The following EFCAB6 variants were observed in gnomAD, a reference collection of about 807,000 sequenced individuals.
The protein encoded by EFCAB6 is EF-hand calcium binding domain 6, also known as EF-hand calcium-binding domain-containing protein 6.
In EFCAB6, 156 loss-of-function variants were observed where a neutral mutation model predicts 169.8. The observed-to-expected ratio is 0.92, with a 90% CI of 0.81 to 1.05. The LOEUF is 1.05. Ranked by LOEUF, EFCAB6 falls within the 50% of genes least tolerant of loss-of-function variation. EFCAB6 has a pLI of 0.00. For missense variants in EFCAB6, 1,800 were observed against 1,829.1 expected, an observed-to-expected ratio of 0.98 and a Z score of 0.29; for synonymous variants, 698 against 676.4, an observed-to-expected ratio of 1.03 and a Z score of -0.50.
chr22:43,680,797 T>C (rs973693308), intron 12 of EFCAB6, among the ~76,000 whole-genome samples: 4 of 152,244 alleles, frequency 2.6e-5, no homozygotes, highest in Non-Finnish European at 5.9e-5. Context: ...ATGTTAATCT[T>C]ATATTTCTGC....
At chr22:43,687,609 ATTACT>A (rs1049123903) in intron 10 of EFCAB6, 28 bp from the exon 11 acceptor site, 3 of 1,411,492 alleles carry the variant, frequency 2.1e-6, no homozygotes, top group African/African-American at 2.9e-5. Flanking sequence ...AACAAAAAAC[ATTACT>A]TTAAACATTT....
At chr22:43,548,036 C>T (rs2048163773) in intron 27 of EFCAB6, among the ~76,000 whole-genome samples, 1 of 151,372 alleles carries the variant, frequency 6.6e-6, no homozygotes, top group Non-Finnish European at 1.5e-5. Context: ...GCGGAACTTT[C>T]AGTGAGCCAA....
At chr22:43,738,879 T>G (rs985175239) in intron 6 of EFCAB6, among the ~76,000 whole-genome samples, 4 of 152,210 alleles carry the variant, frequency 2.6e-5, no homozygotes, top group African/African-American at 9.7e-5. Context: ...AGGTGCCTCC[T>G]GTCCTGTTGT....
intron 21 of EFCAB6, among the ~76,000 whole-genome samples, chr22:43,613,129 T>G (rs1411146166): frequency 2.7e-5 from 4 of 147,976 alleles, no homozygotes; most frequent in African/African-American, 9.8e-5. Flanking sequence ...TATATTTATA[T>G]AACATAAATA....
intron 26 of EFCAB6, among the ~76,000 whole-genome samples, chr22:43,555,792 T>C (rs909849359): frequency 3.9e-5 from 6 of 152,194 alleles, no homozygotes; most frequent in Non-Finnish European, 8.8e-5. Flanking sequence ...ACACTGTCCT[T>C]GGTGCTAAGG....
chr22:43,635,379 T>C (rs1284233042), intron 17 of EFCAB6, among the ~76,000 whole-genome samples, 163 bp from the exon 18 acceptor site: 2 of 152,064 alleles, frequency 1.3e-5, no homozygotes, highest in Non-Finnish European at 2.9e-5. Flanking sequence ...GTCTCCTGTG[T>C]CCCTGGGCCT....
chr22:43,800,521 G>A (rs546200262), intron 2 of EFCAB6, among the ~76,000 whole-genome samples: 1 of 152,304 alleles, frequency 6.6e-6, no homozygotes, highest in Admixed American at 6.5e-5. Flanking sequence ...TGATATTTGA[G>A]CTGTCTATCC....
intron 8 of EFCAB6, among the ~76,000 whole-genome samples, chr22:43,721,670 T>C (rs1487592637): frequency 1.3e-5 from 2 of 152,116 alleles, no homozygotes; most frequent in Non-Finnish European, 1.5e-5. Flanking sequence ...ATAAATAGTA[T>C]TGGGATAACA....
At chr22:43,635,012 C>T (rs1317641360) in intron 18 of EFCAB6, 90 bp downstream of exon 18, 3 of 996,850 alleles carry the variant, frequency 3.0e-6, no homozygotes, top group Non-Finnish European at 4.8e-6. Flanking sequence ...TGTGCTACTT[C>T]AACCCGAGTG....
intron 9 of EFCAB6, among the ~76,000 whole-genome samples, chr22:43,712,297 A>G (rs2059188608): frequency 6.6e-6 from 1 of 151,034 alleles, no homozygotes; most frequent in African/African-American, 2.4e-5. Context: ...TAATAACAAT[A>G]TTCTCCAATA....
rs1348290647 is a variant in EFCAB6, at chr22:43,782,379, T to C, written c.-7-54A>G. ...TACCTTAAAGAGCATACATTCCAAA[T>C]GTGGCCAATTTCCTATCTATTCCTT... is the stretch of plus-strand genomic sequence containing the variant. On this transcript the variant is annotated intron_variant, in intron 2 of 31. Transcript: ENST00000262726. The C allele has an allele frequency of 5.9e-6, 9 of 1,522,672 alleles. No individual in the cohort carries two copies. The South Asian group carries it at 9.6e-5, about 16-fold the overall frequency. The allele number at this position is 1,522,672 out of a possible 1,614,324, so 94.3% of individuals were successfully genotyped here.
intron 26 of EFCAB6, among the ~76,000 whole-genome samples, chr22:43,569,451 A>G (rs2049686969): frequency 1.3e-5 from 2 of 152,224 alleles, no homozygotes; most frequent in African/African-American, 4.8e-5. Flanking sequence ...GGAAGCAGAC[A>G]CCACCCATGC....
intron 10 of EFCAB6, among the ~76,000 whole-genome samples, chr22:43,700,892 G>C (rs962465681): frequency 3.9e-5 from 6 of 152,086 alleles, no homozygotes; most frequent in African/African-American, 1.4e-4. Flanking sequence ...GTTTTTTCCA[G>C]TTTCAAGTGA....
chr22:43,609,708 A>C (rs1602587213), intron 21 of EFCAB6, among the ~76,000 whole-genome samples: 1 of 152,370 alleles, frequency 6.6e-6, no homozygotes, highest in East Asian at 1.9e-4. Context: ...CAAATATAAT[A>C]GTAAAGGTGT....
intron 27 of EFCAB6, among the ~76,000 whole-genome samples, chr22:43,547,595 C>G (rs1340428783): frequency 4.0e-5 from 6 of 151,814 alleles, no homozygotes; most frequent in African/African-American, 7.3e-5. Flanking sequence ...AACCAATCAA[C>G]CAACCAACAA....
intron 21 of EFCAB6, among the ~76,000 whole-genome samples, chr22:43,609,400 T>C (rs2053150040): frequency 6.6e-6 from 1 of 152,234 alleles, no homozygotes; most frequent in Non-Finnish European, 1.5e-5. Context: ...TTCACTGACA[T>C]GACTGTATAC....
At chr22:43,794,493 T>G (rs902465339) in intron 2 of EFCAB6, among the ~76,000 whole-genome samples, 4 of 152,212 alleles carry the variant, frequency 2.6e-5, no homozygotes, top group Admixed American at 2.0e-4. Flanking sequence ...GTGTATGCAT[T>G]TGCCTACATG....
intron 28 of EFCAB6, 68 bp downstream of exon 28, chr22:43,540,059 T>A: frequency 6.4e-7 from 1 of 1,563,224 alleles, no homozygotes; most frequent in East Asian, 2.3e-5. Context: ...GCCCCCAAAG[T>A]CCCCCCAGTG....
At chr22:43,777,749 A>G (rs1488385525) in intron 3 of EFCAB6, among the ~76,000 whole-genome samples, 1 of 152,196 alleles carries the variant, frequency 6.6e-6, no homozygotes, top group Non-Finnish European at 1.5e-5. Flanking sequence ...CATTGCAATC[A>G]ATAATTGTAA....
Sources: gnomAD v4.1 joint callset for allele counts (sites outside exome capture counted in the v4.1 genomes callset) on GRCh38, gnomAD v4.1.1 for gene constraint, MANE v1.5 for transcripts, NCBI Gene and HGNC (gene_info 2026-07-23, HGNC 2026-07-21) for gene names.